NKAIN3: variants seen among roughly 807,000 people sequenced by gnomAD.
The protein encoded by NKAIN3 is sodium/potassium transporting ATPase interacting 3.
NKAIN3 carries 25 observed loss-of-function variants against 30.2 expected under a neutral mutation model. The ratio of observed to expected loss-of-function variants is 0.83; its 90% CI spans 0.60 to 1.16. The LOEUF is 1.16. Among genes scored for constraint, NKAIN3 ranks in the 50% most tolerant of loss-of-function variants. The probability of loss-of-function intolerance (pLI) is 0.00; values close to 1 mark genes in which losing one functional copy is unlikely to be tolerated. For missense variants in NKAIN3, 225 were observed against 254.1 expected (o/e 0.89, Z 0.78); for synonymous variants, 91 against 89.6 (o/e 1.02, Z -0.09).
chr8:62,496,035 C>A (rs905220275), intron 1 of NKAIN3, among the ~76,000 whole-genome samples: 1 of 152,074 alleles, frequency 6.6e-6, no homozygotes, highest in Non-Finnish European at 1.5e-5. Flanking sequence ...AGTTTTGGGG[C>A]ACATTTTGTG....
At chr8:62,636,235 A>G (rs1758037599) in intron 3 of NKAIN3, among the ~76,000 whole-genome samples, 1 of 152,204 alleles carries the variant, frequency 6.6e-6, no homozygotes, top group Admixed American at 6.5e-5. Flanking sequence ...ACAGTCTGTG[A>G]TGCAGCAATC....
chr8:62,653,591 T>A (rs1008554255), intron 3 of NKAIN3, among the ~76,000 whole-genome samples: 1 of 152,158 alleles, frequency 6.6e-6, no homozygotes, highest in Non-Finnish European at 1.5e-5. Flanking sequence ...TGCAACCTGA[T>A]AGTTCAAAAA....
intron 4 of NKAIN3, among the ~76,000 whole-genome samples, chr8:62,785,570 G>A (rs1163080437): frequency 2.6e-5 from 4 of 152,080 alleles, no homozygotes; most frequent in Admixed American, 6.6e-5. Flanking sequence ...CACTTTAAAT[G>A]GGTGAATTGT....
chr8:62,930,317 G>A (rs938100961), intron 5 of NKAIN3, among the ~76,000 whole-genome samples: 1 of 151,822 alleles, frequency 6.6e-6, no homozygotes, highest in Non-Finnish European at 1.5e-5. Context: ...GTGATGGTGC[G>A]ATCTTAGCTC....
intron 4 of NKAIN3, among the ~76,000 whole-genome samples, chr8:62,816,628 G>T (rs912169641): frequency 2.0e-5 from 3 of 152,126 alleles, no homozygotes; most frequent in African/African-American, 7.2e-5. Flanking sequence ...TGCGATCAGG[G>T]TGTAGAGTGC....
intron 3 of NKAIN3, among the ~76,000 whole-genome samples, chr8:62,677,113 T>C (rs1045201277): frequency 1.3e-5 from 2 of 152,132 alleles, no homozygotes; most frequent in African/African-American, 2.4e-5. Flanking sequence ...CGGTCTGATT[T>C]CCCAGGAAAT....
intron 1 of NKAIN3, among the ~76,000 whole-genome samples, chr8:62,312,130 GAAA>G (rs1814461113): frequency 6.6e-6 from 1 of 150,454 alleles, no homozygotes. Flanking sequence ...ACTTCAAAGA[GAAA>G]AAGGAACTAC....
At chr8:62,451,783 T>C (rs906039689) in intron 1 of NKAIN3, among the ~76,000 whole-genome samples, 1 of 152,184 alleles carries the variant, frequency 6.6e-6, no homozygotes, top group African/African-American at 2.4e-5. Flanking sequence ...AATTTTAAAA[T>C]ATTCAGATTT....
intron 1 of NKAIN3, among the ~76,000 whole-genome samples, chr8:62,564,703 C>T (rs1585952589): frequency 1.3e-5 from 2 of 152,176 alleles, no homozygotes; most frequent in African/African-American, 4.8e-5. Flanking sequence ...GGTTATGGCA[C>T]ACATAATAAA....
chr8:62,618,744 A>G (rs368973084), intron 3 of NKAIN3, among the ~76,000 whole-genome samples: 2 of 152,170 alleles, frequency 1.3e-5, no homozygotes, highest in East Asian at 1.9e-4. Context: ...TGTCTCTCCT[A>G]AAAATGCAAA....
chr8:62,374,874 G>A (rs1263659435), intron 1 of NKAIN3, among the ~76,000 whole-genome samples: 1 of 152,046 alleles, frequency 6.6e-6, no homozygotes, highest in Non-Finnish European at 1.5e-5. Context: ...ACTGAACTTG[G>A]GAAAAGATAA....
intron 5 of NKAIN3, among the ~76,000 whole-genome samples, chr8:62,943,185 G>T (rs1043715386): frequency 2.0e-5 from 3 of 151,670 alleles, no homozygotes; most frequent in Non-Finnish European, 2.9e-5. Flanking sequence ...AAACTAATCC[G>T]CAGGAAAAAA....
chr8:62,960,634 G>T (rs1256972261), intron 6 of NKAIN3, among the ~76,000 whole-genome samples: 2 of 151,524 alleles, frequency 1.3e-5, no homozygotes, highest in East Asian at 1.9e-4. Context: ...CACATATTTT[G>T]CACTTAATAT....
At chr8:62,498,639 A>G (rs1807317303) in intron 1 of NKAIN3, among the ~76,000 whole-genome samples, 1 of 152,010 alleles carries the variant, frequency 6.6e-6, no homozygotes, top group Admixed American at 6.6e-5. Flanking sequence ...GAAAAGTTGC[A>G]TGGCAGAGGT....
intron 3 of NKAIN3, among the ~76,000 whole-genome samples, chr8:62,640,130 A>G (rs1408955727): frequency 2.0e-5 from 3 of 152,152 alleles, no homozygotes; most frequent in African/African-American, 7.2e-5. Context: ...ACTAATTGGT[A>G]TCTTCTCCAG....
chr8:62,755,205 G>A (rs1213790410), intron 4 of NKAIN3, among the ~76,000 whole-genome samples: 1 of 152,194 alleles, frequency 6.6e-6, no homozygotes, highest in East Asian at 1.9e-4. Flanking sequence ...CAGCTTGTGA[G>A]TGAAGGTGGA....
chr8:62,556,696 G>A (rs1809402912), intron 1 of NKAIN3, among the ~76,000 whole-genome samples: 2 of 151,586 alleles, frequency 1.3e-5, no homozygotes, highest in Non-Finnish European at 2.9e-5. Flanking sequence ...CATTATAATG[G>A]ATAAATATTA....
chr8:62,951,615 C>T (rs1471752407), intron 5 of NKAIN3, among the ~76,000 whole-genome samples: 11 of 151,916 alleles, frequency 7.2e-5, no homozygotes, highest in South Asian at 4.2e-4. Flanking sequence ...CATGCCACCA[C>T]GTCCAGCTAA....
intron 3 of NKAIN3, among the ~76,000 whole-genome samples, chr8:62,591,491 C>T (rs1389795224): frequency 6.6e-6 from 1 of 151,932 alleles, no homozygotes; most frequent in Non-Finnish European, 1.5e-5. Context: ...TAAGTATCAG[C>T]AGTCATTTTT....
Sources: allele counts gnomAD v4.1 joint callset (sites outside exome capture counted in the v4.1 genomes callset), GRCh38; gene constraint gnomAD v4.1.1; transcripts MANE v1.5; gene names NCBI Gene and HGNC (gene_info 2026-07-23, HGNC 2026-07-21).